The following RCAN2 variants were observed in gnomAD, a reference collection of about 807,000 sequenced individuals.
RCAN2 encodes the protein regulator of calcineurin 2.
In RCAN2, 9 loss-of-function variants were observed where a neutral mutation model predicts 23.6. The ratio of observed to expected loss-of-function variants is 0.38; its 90% confidence interval spans 0.23 to 0.67. The LOEUF is 0.67. RCAN2 is among the 30% of genes least tolerant of loss of function. The pLI is 0.51. For missense variants in RCAN2, 273 were observed against 302.3 expected, an observed-to-expected ratio of 0.90 and a Z score of 0.72; for synonymous variants, 109 against 115.7, an observed-to-expected ratio of 0.94 and a Z score of 0.37.
intron 2 of RCAN2, among the ~76,000 whole-genome samples, chr6:46,261,192 G>A (rs9472728): frequency 0.77 from 117,805 of 152,150 alleles, 45,936 homozygotes; most frequent in Non-Finnish European, 0.81. Flanking sequence ...AGCTTATCCA[G>A]TCTCACAAGA....
intron 1 of RCAN2, among the ~76,000 whole-genome samples, chr6:46,485,095 C>T (rs1309756418): frequency 6.6e-6 from 1 of 152,078 alleles, no homozygotes; most frequent in Admixed American, 6.5e-5. Context: ...AACAATCTGT[C>T]CTAAGAAAAT....
intron 2 of RCAN2, among the ~76,000 whole-genome samples, chr6:46,403,294 T>C (rs12173870): frequency 0.5 from 75,768 of 151,604 alleles, 19,602 homozygotes; most frequent in East Asian, 0.61. Flanking sequence ...ATTCTGTGGC[T>C]GGGCACGATG....
At chr6:46,437,785 C>T (rs990570300) in intron 2 of RCAN2, among the ~76,000 whole-genome samples, 3 of 152,114 alleles carry the variant, frequency 2.0e-5, no homozygotes, top group Non-Finnish European at 4.4e-5. Flanking sequence ...GACACAGGGG[C>T]TATTCTTAGA....
chr6:46,441,889 C>G (rs1468164677), intron 2 of RCAN2, among the ~76,000 whole-genome samples: 1 of 152,038 alleles, frequency 6.6e-6, no homozygotes, highest in Non-Finnish European at 1.5e-5. Context: ...CACTAATAAC[C>G]CCACTCTCAC....
chr6:46,427,471 A>C (rs188450357), intron 2 of RCAN2, among the ~76,000 whole-genome samples: 5 of 152,330 alleles, frequency 3.3e-5, no homozygotes. Context: ...ATGTAAAATA[A>C]TTAAAATCAT....
At chr6:46,255,352 G>C (rs996689587) in intron 2 of RCAN2, among the ~76,000 whole-genome samples, 1 of 152,090 alleles carries the variant, frequency 6.6e-6, no homozygotes, top group African/African-American at 2.4e-5. Flanking sequence ...ACTATGAGAG[G>C]TTGTGAGGAA....
rs540526481 is a variant in RCAN2 at position 46,353,275 on chromosome 6, G to A, written c.225+103477C>T. ...GGTAGTTTTTGAGACAAGCACTCAA[G>A]GTACAACAATTGCAAATGGGTACTT... On this transcript the variant is annotated intron_variant, in intron 2 of 4. Transcript: ENST00000371374. Among the ~76,000 whole-genome samples the A allele has an allele frequency of 1.1e-4, 16 of 152,198 alleles. No individual in the cohort carries two copies. The East Asian group carries it at 3.1e-3, about 29-fold the overall frequency.
At chr6:46,433,366 C>T (rs1281889520) in intron 2 of RCAN2, among the ~76,000 whole-genome samples, 1 of 152,110 alleles carries the variant, frequency 6.6e-6, no homozygotes, top group Non-Finnish European at 1.5e-5. Context: ...GATATCCATG[C>T]CCTAAACCCT....
At chr6:46,409,139 A>G (rs978389093) in intron 2 of RCAN2, among the ~76,000 whole-genome samples, 1 of 152,290 alleles carries the variant, frequency 6.6e-6, no homozygotes. Context: ...CACAAATATT[A>G]ACAATTCTGT....
intron 1 of RCAN2, among the ~76,000 whole-genome samples, chr6:46,459,972 G>A (rs1404621950): frequency 6.6e-6 from 1 of 152,096 alleles, no homozygotes; most frequent in African/African-American, 2.4e-5. Flanking sequence ...AGGAAATTCT[G>A]AAGATTAAGA....
intron 2 of RCAN2, among the ~76,000 whole-genome samples, chr6:46,401,072 G>C (rs1766234426): frequency 6.6e-6 from 1 of 152,138 alleles, no homozygotes; most frequent in Admixed American, 6.6e-5. Context: ...AATCAAGAAG[G>C]TACAAAGTAC....
At chr6:46,379,331 G>T (rs1190911568) in intron 2 of RCAN2, among the ~76,000 whole-genome samples, 1 of 152,082 alleles carries the variant, frequency 6.6e-6, no homozygotes, top group Non-Finnish European at 1.5e-5. Context: ...ACTGCTCTGG[G>T]TCTCTCCTGC....
chr6:46,413,983 T>C (rs868753184), intron 2 of RCAN2, among the ~76,000 whole-genome samples: 2 of 152,048 alleles, frequency 1.3e-5, no homozygotes, highest in Non-Finnish European at 2.9e-5. Context: ...GCTCTCAGAA[T>C]AGGTAACTAA....
At chr6:46,301,024 AT>A (rs1446469946) in intron 2 of RCAN2, among the ~76,000 whole-genome samples, 3 of 152,028 alleles carry the variant, frequency 2.0e-5, no homozygotes, top group Non-Finnish European at 4.4e-5. Flanking sequence ...CAACAAAAAA[AT>A]CAGCGTGGGA....
At chr6:46,382,377 G>A (rs1429966387) in intron 2 of RCAN2, among the ~76,000 whole-genome samples, 1 of 152,140 alleles carries the variant, frequency 6.6e-6, no homozygotes, top group Non-Finnish European at 1.5e-5. Flanking sequence ...TGTAGGTAAT[G>A]GAAACTACAT....
intron 1 of RCAN2, among the ~76,000 whole-genome samples, chr6:46,472,678 T>C (rs1326293328): frequency 6.6e-6 from 1 of 152,230 alleles, no homozygotes; most frequent in Admixed American, 6.5e-5. Flanking sequence ...CTTGTTCACA[T>C]TGTATCTCTA....
At chr6:46,306,785 T>C (rs1420741285) in intron 2 of RCAN2, among the ~76,000 whole-genome samples, 2 of 152,148 alleles carry the variant, frequency 1.3e-5, no homozygotes, top group Admixed American at 6.5e-5. Flanking sequence ...GAGCCTATCC[T>C]GGCACCCTAC....
intron 2 of RCAN2, among the ~76,000 whole-genome samples, chr6:46,423,688 G>A (rs560674340): frequency 8.8e-4 from 134 of 152,180 alleles, no homozygotes; most frequent in African/African-American, 3.0e-3. Flanking sequence ...ATTGTGATCT[G>A]ATTATCACAT....
In RCAN2 at chr6:46,389,666, C is replaced by T. The variant is rs550702169; in HGVS notation, c.225+67086G>A. ...TTCTGGAGCTGGTTATGCTATGTGGCTTATGAATGCAAAGAAAATAAAGTC... is the reference window on the plus strand; with the variant it reads ...TTCTGGAGCTGGTTATGCTATGTGGTTTATGAATGCAAAGAAAATAAAGTC... On this transcript the variant is annotated intron_variant, in intron 2 of 4. Coordinates refer to ENST00000371374, the MANE Select transcript of RCAN2 (RefSeq NM_001251974.2). Among the ~76,000 whole-genome samples, 8 of 152,308 alleles carry T rather than the reference C, an allele frequency of 5.3e-5. No homozygotes were observed. The South Asian group carries it at 8.3e-4, about 16-fold the overall frequency.
Sources: allele counts gnomAD v4.1 joint callset (sites outside exome capture counted in the v4.1 genomes callset), GRCh38; gene constraint gnomAD v4.1.1; transcripts MANE v1.5; gene names NCBI Gene and HGNC (gene_info 2026-07-23, HGNC 2026-07-21).